DLG2: variants seen among roughly 807,000 people sequenced by gnomAD.
DLG2 encodes disks large homolog 2.
DLG2 carries 45 observed loss-of-function variants against 132.5 expected under a neutral mutation model. The ratio of observed to expected loss-of-function variants is 0.34; its 90% CI spans 0.27 to 0.44. The LOEUF is 0.44. Ranked by LOEUF, DLG2 falls within the 20% of genes least tolerant of loss-of-function variation. The probability of loss-of-function intolerance (pLI) is 1.00; values close to 1 mark genes in which losing one functional copy is unlikely to be tolerated. For synonymous variants in DLG2, 424 were observed against 419.6 expected, an observed-to-expected ratio of 1.01 and a Z score of -0.13; for missense variants, 1,045 against 1,196.9, an observed-to-expected ratio of 0.87 and a Z score of 1.87.
At chr11:83,697,260 T>C (rs1346984728) in intron 18 of DLG2, among the ~76,000 whole-genome samples, 1 of 152,234 alleles carries the variant, frequency 6.6e-6, no homozygotes, top group African/African-American at 2.4e-5. Flanking sequence ...TTAAATTTGC[T>C]ACTTAAAGAA....
intron 6 of DLG2, among the ~76,000 whole-genome samples, chr11:84,669,463 T>G (rs1405918411): frequency 6.6e-6 from 1 of 152,212 alleles, no homozygotes; most frequent in African/African-American, 2.4e-5. Context: ...GTGAACGCAC[T>G]ACTATCACCT....
chr11:84,985,125 T>C (rs1036099259), intron 6 of DLG2, among the ~76,000 whole-genome samples: 19 of 152,176 alleles, frequency 1.2e-4, no homozygotes, highest in South Asian at 2.1e-4. Flanking sequence ...CTGGAACAAA[T>C]TGACTTAACA....
chr11:85,523,155 T>C (rs2074451139), intron 3 of DLG2, among the ~76,000 whole-genome samples: 1 of 152,294 alleles, frequency 6.6e-6, no homozygotes, highest in East Asian at 1.9e-4. Context: ...CTCATGACAA[T>C]GAATGAGTTC....
At chr11:83,649,379 C>T (rs2069317709) in intron 18 of DLG2, among the ~76,000 whole-genome samples, 1 of 152,094 alleles carries the variant, frequency 6.6e-6, no homozygotes, top group Non-Finnish European at 1.5e-5. Context: ...ATTCCAAGCC[C>T]TGGTCAGGAA....
chr11:84,323,147 C>A (rs1167381773), intron 7 of DLG2, among the ~76,000 whole-genome samples: 2 of 152,042 alleles, frequency 1.3e-5, no homozygotes, highest in Non-Finnish European at 2.9e-5. Context: ...ATCTCTACCA[C>A]TTTTTCACCA....
chr11:85,446,151 G>A (rs898875047), intron 3 of DLG2, among the ~76,000 whole-genome samples: 5 of 152,158 alleles, frequency 3.3e-5, no homozygotes, highest in African/African-American at 4.8e-5. Context: ...GTTTTGAGTT[G>A]TTTCAAAGTG....
intron 14 of DLG2, among the ~76,000 whole-genome samples, chr11:83,939,658 C>T (rs2082222005): frequency 6.6e-6 from 1 of 152,064 alleles, no homozygotes; most frequent in Non-Finnish European, 1.5e-5. Context: ...ATTAGTAACA[C>T]CTAAAGTTGC....
At chr11:83,550,513 G>C (rs2096365146) in intron 19 of DLG2, among the ~76,000 whole-genome samples, 1 of 152,136 alleles carries the variant, frequency 6.6e-6, no homozygotes, top group Admixed American at 6.6e-5. Flanking sequence ...TGACTCATAA[G>C]TCTCTTATCT....
Position 83,912,126 on chromosome 11 carries a change from G to T in DLG2, c.1496+18202C>A, listed in dbSNP as rs564118309. Among the ~76,000 whole-genome samples, 51 of 148,666 alleles carry T rather than the reference G, an allele frequency of 3.4e-4. No homozygotes were observed. The South Asian group carries it at 4.4e-3, about 13-fold the overall frequency. ...TATAATGCAGCTATATAGAAAAAAA[G>T]AAAACAAAGAAAAAAATAAAAATGT... is the stretch of plus-strand genomic sequence containing the variant. On this transcript the variant is annotated intron_variant, in intron 15 of 27. Coordinates refer to ENST00000376104, the MANE Select transcript of DLG2 (RefSeq NM_001142699.3).
At chr11:83,859,679 C>T (rs775856230) in intron 16 of DLG2, among the ~76,000 whole-genome samples, 7 of 152,124 alleles carry the variant, frequency 4.6e-5, no homozygotes, top group Non-Finnish European at 7.4e-5. Flanking sequence ...GAAATTTAAG[C>T]CAGCTGCAGA....
intron 14 of DLG2, among the ~76,000 whole-genome samples, chr11:83,951,186 A>C (rs1484151299): frequency 6.6e-6 from 1 of 152,164 alleles, no homozygotes; most frequent in African/African-American, 2.4e-5. Context: ...TGAGACCAAA[A>C]AAATTCAAAT....
intron 3 of DLG2, among the ~76,000 whole-genome samples, chr11:85,530,617 G>A (rs2075140963): frequency 6.6e-6 from 1 of 152,154 alleles, no homozygotes; most frequent in Non-Finnish European, 1.5e-5. Flanking sequence ...CACCACACCT[G>A]GCTAGGGTGT....
intron 6 of DLG2, among the ~76,000 whole-genome samples, chr11:85,052,437 T>A (rs2062994526): frequency 6.6e-6 from 1 of 152,200 alleles, no homozygotes; most frequent in African/African-American, 2.4e-5. Flanking sequence ...ATAGAGGTTT[T>A]CATAAAGGGC....
chr11:85,238,719 T>C (rs1311926068), intron 4 of DLG2, among the ~76,000 whole-genome samples: 1 of 152,126 alleles, frequency 6.6e-6, no homozygotes, highest in African/African-American at 2.4e-5. Context: ...ATAGCAGTCC[T>C]GCACCTACAT....
At chr11:83,993,896 T>A (rs560625833) in intron 11 of DLG2, among the ~76,000 whole-genome samples, 1 of 152,260 alleles carries the variant, frequency 6.6e-6, no homozygotes, top group South Asian at 2.1e-4. Context: ...ATCTCACATG[T>A]TGAAGTTTGA....
At chr11:85,159,529 T>G (rs904730437) in intron 4 of DLG2, among the ~76,000 whole-genome samples, 2 of 152,214 alleles carry the variant, frequency 1.3e-5, no homozygotes, top group Non-Finnish European at 2.9e-5. Context: ...CAATTCCCAC[T>G]ACATCCCCAT....
At chr11:83,835,975 A>C (rs1001077304) in intron 16 of DLG2, among the ~76,000 whole-genome samples, 1 of 152,144 alleles carries the variant, frequency 6.6e-6, no homozygotes, top group Non-Finnish European at 1.5e-5. Context: ...ATCATAAGGA[A>C]TTGGCTTATG....
intron 5 of DLG2, among the ~76,000 whole-genome samples, chr11:85,131,701 C>G (rs1222343185): frequency 1.3e-5 from 2 of 152,058 alleles, no homozygotes; most frequent in Non-Finnish European, 2.9e-5. Context: ...GGGAAGATAT[C>G]CATTATGATT....
chr11:84,879,820 G>C (rs2086998495), intron 6 of DLG2, among the ~76,000 whole-genome samples: 2 of 152,048 alleles, frequency 1.3e-5, no homozygotes, highest in African/African-American at 4.8e-5. Flanking sequence ...AATACATTTT[G>C]ATCAAAGTGT....
Sources: allele counts gnomAD v4.1 joint callset (sites outside exome capture counted in the v4.1 genomes callset), GRCh38; gene constraint gnomAD v4.1.1; transcripts MANE v1.5; gene names NCBI Gene and HGNC (gene_info 2026-07-23, HGNC 2026-07-21).